The following DSCAML1 variants were observed in gnomAD, a reference collection of about 807,000 sequenced individuals.
DSCAML1 encodes cell adhesion molecule DSCAML1.
Under a neutral mutation model 200.5 loss-of-function variants are expected in DSCAML1, and 38 were observed. That is an observed-to-expected ratio of 0.19 (90% CI 0.15 to 0.25). The LOEUF is 0.25. Among genes scored for constraint, DSCAML1 ranks in the 10% least tolerant of loss-of-function variants. The probability of loss-of-function intolerance (pLI) is 1.00; values close to 1 mark genes in which losing one functional copy is unlikely to be tolerated. For synonymous variants in DSCAML1, 1,215 were observed against 1,165.0 expected, an observed-to-expected ratio of 1.04 and a Z score of -0.87; for missense variants, 2,223 against 2,858.8, an observed-to-expected ratio of 0.78 and a Z score of 5.07.
chr11:117,464,748 A>T (rs1183109494), intron 17 of DSCAML1, among the ~76,000 whole-genome samples, 194 bp downstream of exon 17: 3 of 152,242 alleles, frequency 2.0e-5, no homozygotes, highest in Non-Finnish European at 4.4e-5. Flanking sequence ...GAGGCCCGAT[A>T]TGCTGAATGG....
intron 20 of DSCAML1, among the ~76,000 whole-genome samples, chr11:117,449,009 A>G (rs2048233529): frequency 6.6e-6 from 1 of 152,234 alleles, no homozygotes; most frequent in African/African-American, 2.4e-5. Flanking sequence ...TAATCATAAC[A>G]TATGCACACA....
intron 24 of DSCAML1, 142 bp downstream of exon 24, chr11:117,438,743 G>A: frequency 1.3e-6 from 1 of 742,476 alleles, no homozygotes. Context: ...CTTGGCACTT[G>A]AGTGACTTCC....
At chr11:117,583,529 C>T (rs917722323) in intron 3 of DSCAML1, among the ~76,000 whole-genome samples, 7 of 152,190 alleles carry the variant, frequency 4.6e-5, no homozygotes, top group Admixed American at 3.3e-4. Context: ...CTGATTAGCC[C>T]GGCCTACGCG....
At chr11:117,558,347 C>T (rs909320198) in intron 3 of DSCAML1, among the ~76,000 whole-genome samples, 1 of 152,142 alleles carries the variant, frequency 6.6e-6, no homozygotes, top group Non-Finnish European at 1.5e-5. Flanking sequence ...TGAGTCCCTT[C>T]CAGGGAAATT....
chr11:117,480,411 C>A lies in DSCAML1; in HGVS notation c.2785+32G>T, dbSNP rs1419017425. The A allele has an allele frequency of 2.5e-6, 4 of 1,610,744 alleles. No homozygotes were observed. Among genetic ancestry groups the A allele is most frequent in the Non-Finnish European group, 1.7e-6 (2 of 1,178,690 alleles). ...ACGTGGCACAAGGGGCCATGGCAGG[C>A]CACGCTGTCACCCTCCTGGCCCAGC... On this transcript the variant is annotated intron_variant, in intron 14 of 32. Transcript: ENST00000651296. This position sits in a 1 kb window ranked among gnomAD's most constrained non-coding sequence, Gnocchi z 4.1.
At chr11:117,676,764 C>A (rs552779978) in intron 3 of DSCAML1, among the ~76,000 whole-genome samples, 2 of 152,240 alleles carry the variant, frequency 1.3e-5, no homozygotes, top group Admixed American at 6.5e-5. Flanking sequence ...CTCTGCTACC[C>A]GATGGGACGG....
At chr11:117,591,153 C>CATTT (rs202217314) in intron 3 of DSCAML1, among the ~76,000 whole-genome samples, 15,452 of 152,008 alleles carry the variant, frequency 0.1, 832 homozygotes, top group Middle Eastern at 0.16. Flanking sequence ...TTTAAAAATT[C>CATTT]ATTTATGTAT....
At chr11:117,643,534 T>C (rs1429424214) in intron 3 of DSCAML1, among the ~76,000 whole-genome samples, 1 of 152,158 alleles carries the variant, frequency 6.6e-6, no homozygotes, top group Non-Finnish European at 1.5e-5. Flanking sequence ...TCTGAATGCC[T>C]TTCATTCATT....
intron 3 of DSCAML1, among the ~76,000 whole-genome samples, chr11:117,705,594 G>C (rs974084884): frequency 6.6e-6 from 1 of 152,142 alleles, no homozygotes; most frequent in Non-Finnish European, 1.5e-5. Flanking sequence ...GGAAAATTGA[G>C]GCTCAGAAAG....
At chr11:117,617,774 T>A (rs2051841800) in intron 3 of DSCAML1, among the ~76,000 whole-genome samples, 1 of 152,020 alleles carries the variant, frequency 6.6e-6, no homozygotes, top group Non-Finnish European at 1.5e-5. Context: ...AGTCTTTGTT[T>A]CCAGGCCACA....
intron 21 of DSCAML1, among the ~76,000 whole-genome samples, chr11:117,442,050 GTGTA>G (rs1243926788): frequency 2.0e-5 from 3 of 150,268 alleles, no homozygotes; most frequent in Admixed American, 1.3e-4. Context: ...GTGTGTGTTA[GTGTA>G]TGTGTGTGCG....
At chr11:117,562,037 G>A (rs909257361) in intron 3 of DSCAML1, among the ~76,000 whole-genome samples, 18 of 152,300 alleles carry the variant, frequency 1.2e-4, no homozygotes, top group Admixed American at 1.1e-3. Flanking sequence ...GGGAGGAGGC[G>A]TAGACTCACA....
chr11:117,610,841 C>CA (rs374037716), intron 3 of DSCAML1, among the ~76,000 whole-genome samples: 1,813 of 14,412 alleles, frequency 0.13, 35 homozygotes, highest in African/African-American at 0.22. Flanking sequence ...ACCAAAACAA[C>CA]CCCCCCCCCC....
intron 3 of DSCAML1, among the ~76,000 whole-genome samples, chr11:117,728,557 A>C (rs561565957): frequency 6.6e-6 from 1 of 152,176 alleles, no homozygotes; most frequent in Non-Finnish European, 1.5e-5. Flanking sequence ...GAATTCATTA[A>C]TAATTATTAT....
chr11:117,651,672 A>G (rs1014560269), intron 3 of DSCAML1, among the ~76,000 whole-genome samples: 6 of 139,832 alleles, frequency 4.3e-5, no homozygotes, highest in African/African-American at 1.6e-4. Flanking sequence ...AGATCTTGCC[A>G]GCGTACTCCA....
intron 3 of DSCAML1, among the ~76,000 whole-genome samples, chr11:117,613,566 C>G (rs1408423509): frequency 6.6e-6 from 1 of 152,172 alleles, no homozygotes; most frequent in Non-Finnish European, 1.5e-5. Flanking sequence ...TCATTAAATA[C>G]TCGGGGCTGG....
At chr11:117,719,224 C>G (rs7102666) in intron 3 of DSCAML1, among the ~76,000 whole-genome samples, 130,333 of 152,124 alleles carry the variant, frequency 0.86, 57,256 homozygotes, top group Non-Finnish European at 0.95. Context: ...CGCTGGAGGT[C>G]AGGAGTTCGA....
intron 3 of DSCAML1, among the ~76,000 whole-genome samples, chr11:117,564,447 C>A (rs1174300043): frequency 2.0e-5 from 3 of 152,186 alleles, no homozygotes; most frequent in African/African-American, 7.2e-5. Flanking sequence ...CAATCATCCG[C>A]AATCAATAGG....
chr11:117,542,196 C>T (rs2050281646), intron 3 of DSCAML1, among the ~76,000 whole-genome samples: 1 of 152,092 alleles, frequency 6.6e-6, no homozygotes, highest in African/African-American at 2.4e-5. Flanking sequence ...GTAATTTCAG[C>T]TACTCAGAAG....
Sources: gnomAD v4.1 joint callset for allele counts (sites outside exome capture counted in the v4.1 genomes callset) on GRCh38, gnomAD v4.1.1 for gene constraint, Gnocchi (gnomAD v3.1) non-coding constraint, MANE v1.5 for transcripts, NCBI Gene and HGNC (gene_info 2026-07-23, HGNC 2026-07-21) for gene names.